The following SERPINA12 variants were observed in gnomAD, a reference collection of about 807,000 sequenced individuals.
The protein encoded by SERPINA12 is serpin family A member 12.
Under a neutral mutation model 25.9 loss-of-function variants are expected in SERPINA12, and 21 were observed. That is an observed-to-expected ratio of 0.81 (90% CI 0.58 to 1.17). SERPINA12 has a LOEUF of 1.17. SERPINA12 is among the 50% of genes most tolerant of loss of function. The pLI is 0.00. For synonymous variants in SERPINA12, 220 were observed against 196.0 expected (o/e 1.12, Z -1.02); for missense variants, 562 against 508.3 (o/e 1.11, Z -1.02).
Position 94,489,654 on chromosome 14 carries a change from T to C in SERPINA12, c.1019A>G (p.Lys340Arg). Residue 340 changes from lysine (K) to arginine (R), a missense_variant, in exon 4 of 5, where the codon AAG becomes AGG. By Grantham distance (26) the Lys-to-Arg change is conservative (BLOSUM62 2). Transcript: ENST00000677451. Reference protein sequence around the residue: ...KIFEEHGDLTKIAPHRSLKVG... With the variant: ...KIFEEHGDLTRIAPHRSLKVG... ...TTTCAGGCTGCGATGAGGGGCGATC[T>C]TGGTGAGATCACCATGTTCCTCAAA... 1 of 1,614,180 alleles carries C rather than the reference T, an allele frequency of 6.2e-7. No homozygotes were observed. The highest frequency in any genetic ancestry group is 1.1e-5 in the South Asian group (1 of 91,084).
chr14:94,500,367 C>T (rs1048964157), intron 1 of SERPINA12, among the ~76,000 whole-genome samples: 3 of 151,972 alleles, frequency 2.0e-5, no homozygotes, highest in Non-Finnish European at 4.4e-5. Flanking sequence ...TTCTTCTTTT[C>T]AATAATATAC....
At chr14:94,492,005 C>T (rs1360179196) in intron 3 of SERPINA12, among the ~76,000 whole-genome samples, 1 of 152,120 alleles carries the variant, frequency 6.6e-6, no homozygotes, top group African/African-American at 2.4e-5. Context: ...ACACTCACCT[C>T]TGAGACCTGG....
chr14:94,515,303 G>A (rs1462005181), intron 2 of SERPINA12, among the ~76,000 whole-genome samples: 1 of 152,212 alleles, frequency 6.6e-6, no homozygotes, highest in South Asian at 2.1e-4. Flanking sequence ...ACCTAGGGCT[G>A]TCTGGGTGGT....
chr14:94,497,758 C>A lies in SERPINA12; in HGVS notation c.634+6G>T. ...TCTTTCCACACCAACATGCCAAAAG[C>A]CTTACCTCGAAAGAAAATATAATTT... On this transcript the variant is annotated splice_donor_region_variant and intron_variant, in intron 2 of 4. Coordinates refer to ENST00000677451, the MANE Select transcript of SERPINA12 (RefSeq NM_001382267.1). 1.3e-6 allele frequency: 2 copies of A among 1,595,460 alleles called. No individual in the cohort carries two copies. The highest frequency in any genetic ancestry group is 1.3e-5 in the African/African-American group (1 of 74,162).
chr14:94,502,024 ATGTGTG>A (rs10626991), intron 1 of SERPINA12, among the ~76,000 whole-genome samples: 10 of 144,602 alleles, frequency 6.9e-5, no homozygotes, highest in African/African-American at 2.0e-4. Flanking sequence ...TTAGTTTGGA[ATGTGTG>A]TGTGTGTGTG....
chr14:94,493,556 C>T (rs1481495173), intron 3 of SERPINA12, among the ~76,000 whole-genome samples: 1 of 152,172 alleles, frequency 6.6e-6, no homozygotes, highest in East Asian at 1.9e-4. Flanking sequence ...GAGCAGCCTA[C>T]ACTTGGACTT....
chr14:94,511,834 A>G (rs7143171), upstream of SERPINA12: 2,092 of 558,750 alleles, frequency 3.7e-3, 41 homozygotes, highest in African/African-American at 0.04. Context: ...CTGGGGGGTC[A>G]CGCCTGTACT....
At chr14:94,487,948 C>T (rs183468263) in intron 4 of SERPINA12, among the ~76,000 whole-genome samples, 5 of 152,196 alleles carry the variant, frequency 3.3e-5, no homozygotes, top group African/African-American at 9.6e-5. Flanking sequence ...GACTTGCATC[C>T]CAAATCCACT....
At position 94,495,062 on chromosome 14, in the gene SERPINA12, T is replaced by TTA. The variant is rs1267009848; in HGVS notation, c.905+1310_905+1311insTA. Among the ~76,000 whole-genome samples, 549 of 122,910 alleles carry TTA rather than the reference T, an allele frequency of 4.5e-3. 10 individuals carry two copies. The highest frequency in any genetic ancestry group is 0.019 in the African/African-American group (523 of 28,022). The allele number at this position is 122,910 out of a possible 152,430, so 80.6% of individuals were successfully genotyped here. On this transcript the variant is annotated intron_variant, in intron 3 of 4. Transcript: ENST00000677451. ...AAGCATTCGGAATCAGAATTTCCCT[T>TTA]TCTTTTTTTTTTTTTTTTTTTTTTG...
chr14:94,513,737 C>G (rs1379533689), upstream of SERPINA12, among the ~76,000 whole-genome samples: 1 of 152,168 alleles, frequency 6.6e-6, no homozygotes, highest in Non-Finnish European at 1.5e-5. Flanking sequence ...TAAAAAATTA[C>G]TGGGTGCTCA....
intron 1 of SERPINA12, chr14:94,500,774 A>G (rs1900683904): frequency 1.3e-6 from 1 of 799,148 alleles, no homozygotes; most frequent in Non-Finnish European, 1.5e-6. Context: ...GGTCCATGGA[A>G]AAAGCTGAAC....
chr14:94,512,383 A>G (rs940203191), upstream of SERPINA12, among the ~76,000 whole-genome samples: 3 of 152,198 alleles, frequency 2.0e-5, no homozygotes, highest in Admixed American at 1.3e-4. Flanking sequence ...TGCTTTGTTC[A>G]TTTCATCAGA....
chr14:94,498,167 C>G lies in SERPINA12; in HGVS notation c.231G>C (p.Leu77Phe). ...GCATGGAGAAAGCTGTAGAGATGCT[C>G]AAGGGGGATAGGAAGATGTTCCTGC... ...NPGRNIFLSPLSISTAFSMLC... is the reference protein window; with the variant it reads ...NPGRNIFLSPFSISTAFSMLC... The change falls in exon 2 of 5, where the codon TTG becomes TTC. Residue 77 changes from leucine to phenylalanine, a missense_variant. Transcript: ENST00000677451. The G allele has an allele frequency of 6.2e-7, 1 of 1,614,126 alleles. No homozygotes were observed. Among genetic ancestry groups the G allele is most frequent in the Non-Finnish European group, 8.5e-7 (1 of 1,180,038 alleles).
intron 1 of SERPINA12, among the ~76,000 whole-genome samples, chr14:94,502,282 C>T (rs2139858209): frequency 6.6e-6 from 1 of 152,120 alleles, no homozygotes; most frequent in Non-Finnish European, 1.5e-5. Flanking sequence ...CCTCACTGAC[C>T]CGGAAGTCAT....
chr14:94,488,985 T>C lies in SERPINA12; in HGVS notation c.1053+635A>G, dbSNP rs532739266. Among the ~76,000 whole-genome samples, 7 of 152,146 alleles carry C rather than the reference T, an allele frequency of 4.6e-5. No individual in the cohort carries two copies. In the South Asian group the frequency reaches 1.5e-3, roughly 32 times the overall value. Reference sequence around the variant, plus strand: ...GGTGGCGGGCGCCTGTAATCCCAGCTACTCGGGAGGCTGAGGCAGGAGAAT... The same window carrying C: ...GGTGGCGGGCGCCTGTAATCCCAGCCACTCGGGAGGCTGAGGCAGGAGAAT... On this transcript the variant is annotated intron_variant, in intron 4 of 4. Transcript: ENST00000677451.
In SERPINA12 at chr14:94,503,983, G is replaced by T. The variant is rs181590928; in HGVS notation, c.-34+5359C>A. 1.5e-4 allele frequency: 23 copies of T among 152,354 alleles called. 1 individual carries two copies. The highest frequency in any genetic ancestry group is 1.4e-3 in the Admixed American group (22 of 15,300). 9.4% of individuals were successfully genotyped at this position (152,354 alleles called of 1,614,324 possible). A position where few individuals can be genotyped will look rare whatever the true frequency, so the allele number is the denominator to read the frequency against. On this transcript the variant is annotated intron_variant, in intron 1 of 4. Transcript: ENST00000677451. The stretch of plus-strand genomic sequence containing the variant: ...ATGTTCAACAAATTCTTCAAGAGGG[G>T]TTTACCTGGATTTTGGAGATCCTCT...
At chr14:94,511,441 A>G, upstream of SERPINA12, 8 of 985,460 alleles carry the variant, frequency 8.1e-6, no homozygotes, top group Non-Finnish European at 9.6e-6. Context: ...TGTGGATACA[A>G]CTAGTGCAGA....
intron 4 of SERPINA12, among the ~76,000 whole-genome samples, chr14:94,489,376 C>T (rs773063573): frequency 6.6e-6 from 1 of 152,154 alleles, no homozygotes; most frequent in Non-Finnish European, 1.5e-5. Flanking sequence ...CCTTGATCAA[C>T]GTTTGCTACA....
At chr14:94,512,622 G>A (rs1290740108), upstream of SERPINA12, among the ~76,000 whole-genome samples, 9 of 151,988 alleles carry the variant, frequency 5.9e-5, no homozygotes, top group Admixed American at 3.9e-4. Flanking sequence ...GGTGTTGTGT[G>A]CCTAACACTG....
Sources: gnomAD v4.1 joint callset for allele counts (sites outside exome capture counted in the v4.1 genomes callset) on GRCh38, gnomAD v4.1.1 for gene constraint, MANE v1.5 for transcripts, NCBI Gene and HGNC (gene_info 2026-07-23, HGNC 2026-07-21) for gene names.